The following SMARCA2 variants were observed in gnomAD, a reference collection of about 807,000 sequenced individuals.
The protein encoded by SMARCA2 is SWI/SNF-related matrix-associated actin-dependent regulator of chromatin subfamily A member 2.
In SMARCA2, 61 loss-of-function variants were observed where a neutral mutation model predicts 199.8. That is an observed-to-expected ratio of 0.31 (90% CI 0.25 to 0.38). The LOEUF (loss-of-function observed/expected upper bound fraction) is 0.38. Among genes scored for constraint, SMARCA2 ranks in the 10% least tolerant of loss-of-function variants. The probability of loss-of-function intolerance (pLI) is 1.00; values close to 1 mark genes in which losing one functional copy is unlikely to be tolerated. For missense variants in SMARCA2, 1,344 were observed against 2,012.2 expected (o/e 0.67, Z 6.35); for synonymous variants, 935 against 732.0 (o/e 1.28, Z -4.48).
At chr9:2,127,662 C>T (rs1375952598) in intron 27 of SMARCA2, among the ~76,000 whole-genome samples, 1 of 152,160 alleles carries the variant, frequency 6.6e-6, no homozygotes, top group Non-Finnish European at 1.5e-5. Flanking sequence ...GTTATGTGGC[C>T]ACTCCAGCTG....
chr9:2,137,971 G>C (rs1433704990), intron 27 of SMARCA2, among the ~76,000 whole-genome samples: 6 of 152,074 alleles, frequency 3.9e-5, no homozygotes, highest in African/African-American at 1.2e-4. Flanking sequence ...TAATTCTAAA[G>C]GCACACATTT....
chr9:2,163,077 A>C (rs978713564), intron 28 of SMARCA2: 2 of 152,222 alleles, frequency 1.3e-5, no homozygotes, highest in African/African-American at 4.8e-5. Flanking sequence ...CATAGCAGGA[A>C]GGAAAAATTA....
At chr9:2,026,043 C>G (rs557176214) in intron 1 of SMARCA2, among the ~76,000 whole-genome samples, 5 of 152,176 alleles carry the variant, frequency 3.3e-5, no homozygotes, top group African/African-American at 7.2e-5. Context: ...TTGAGATACT[C>G]CTATCCTGAG....
intron 12 of SMARCA2, among the ~76,000 whole-genome samples, chr9:2,074,425 C>T (rs902601426): frequency 2.6e-5 from 4 of 152,148 alleles, no homozygotes; most frequent in African/African-American, 9.7e-5. Context: ...CATCCTTACC[C>T]ATAATAGCTT....
rs775152809 is a variant in SMARCA2, at chr9:2,119,322, C to G, written c.3685-136C>G. ...GCTTGTAAAATAGTAACGTCAAGGA[C>G]TAAATCCAGCAACCCCTTCCCTTTT... On this transcript the variant is annotated intron_variant, in intron 25 of 33. Coordinates refer to ENST00000349721, the MANE Select transcript of SMARCA2 (RefSeq NM_003070.5). This position sits in a 1 kb window ranked among gnomAD's most constrained non-coding sequence, Gnocchi z 4.6. 6.4e-6 allele frequency: 4 copies of G among 620,892 alleles called. No individual in the cohort carries two copies. Among genetic ancestry groups the G allele is most frequent in the Admixed American group, 5.8e-5 (2 of 34,734 alleles). The allele number at this position is 620,892 out of a possible 1,614,324, so 38.5% of individuals were successfully genotyped here.
chr9:2,068,120 G>C (rs771669503), intron 9 of SMARCA2, among the ~76,000 whole-genome samples: 1 of 152,216 alleles, frequency 6.6e-6, no homozygotes, highest in Non-Finnish European at 1.5e-5. Flanking sequence ...AGTCCCCTGA[G>C]TATAGATTCT....
chr9:2,047,561 T>C, intron 5 of SMARCA2, 77 bp downstream of exon 5: 1 of 1,209,528 alleles, frequency 8.3e-7, no homozygotes, highest in East Asian at 3.5e-5. Context: ...GTGAGGCGCC[T>C]GCCTCCTTGG....
rs1013449911 is a variant in SMARCA2 at position 2,146,222 on chromosome 9, C to A, written c.3982-15464C>A. On this transcript the variant is annotated intron_variant, in intron 27 of 33. Coordinates refer to ENST00000349721, the MANE Select transcript of SMARCA2 (RefSeq NM_003070.5). ...ACATGGTAGAAGGGACATGGGAGCT[C>A]TTTGGGGTCTTTTTTAATAAGGGCA... Among the ~76,000 whole-genome samples, 4 of 152,214 alleles carry A rather than the reference C, an allele frequency of 2.6e-5. No homozygotes were observed. In the East Asian group the frequency reaches 7.7e-4, roughly 29 times the overall value.
chr9:2,144,363 C>T (rs1001809136), intron 27 of SMARCA2, among the ~76,000 whole-genome samples: 2 of 152,122 alleles, frequency 1.3e-5, no homozygotes, highest in African/African-American at 4.8e-5. Context: ...CAAGTCCGTT[C>T]TTGTGTCCTT....
In SMARCA2 at chr9:2,033,270, T is replaced by C. The variant is rs1055042981; in HGVS notation, c.355+189T>C. Reference sequence around the variant, plus strand: ...CTGATGATTTATATGGGAAATTTTATTTCCGAAGTCCTAGTAATTTTACTA... The same window carrying C: ...CTGATGATTTATATGGGAAATTTTACTTCCGAAGTCCTAGTAATTTTACTA... On this transcript the variant is annotated intron_variant, in intron 3 of 33. Coordinates refer to ENST00000349721, the MANE Select transcript of SMARCA2 (RefSeq NM_003070.5). 8.8e-6 allele frequency: 5 copies of C among 567,142 alleles called. No individual in the cohort carries two copies. The African/African-American group carries it at 9.5e-5, about 11-fold the overall frequency. The allele number at this position is 567,142 out of a possible 1,614,324, so 35.1% of individuals were successfully genotyped here. A position where few individuals can be genotyped will look rare whatever the true frequency, so the allele number is the denominator to read the frequency against.
intron 19 of SMARCA2, among the ~76,000 whole-genome samples, chr9:2,095,335 C>A (rs7039469): frequency 2.0e-5 from 3 of 151,910 alleles, no homozygotes; most frequent in African/African-American, 4.8e-5. Context: ...TCGCCCGCCT[C>A]GGCCTCCCAA....
chr9:2,100,729 C>A (rs947897533), intron 21 of SMARCA2, among the ~76,000 whole-genome samples: 1 of 151,614 alleles, frequency 6.6e-6, no homozygotes, highest in African/African-American at 2.4e-5. Flanking sequence ...AAGATTTCAC[C>A]GAACTAAGAA....
intron 5 of SMARCA2, among the ~76,000 whole-genome samples, chr9:2,051,348 T>G (rs796813926): frequency 3.3e-5 from 5 of 152,286 alleles, no homozygotes; most frequent in African/African-American, 9.6e-5. Flanking sequence ...GACAAATAAC[T>G]GGGCTCCTTG....
rs1821823644 is a variant in SMARCA2 at position 2,086,861 on chromosome 9, C to T, written c.2559C>T (p.Gly853=). 2.5e-6 allele frequency: 4 copies of T among 1,614,042 alleles called. No individual in the cohort carries two copies. The East Asian group carries it at 8.9e-5, about 36-fold the overall frequency. Residue 853 remains glycine, a synonymous_variant, in exon 18 of 34, where the codon GGC becomes GGT. Coordinates refer to ENST00000349721, the MANE Select transcript of SMARCA2 (RefSeq NM_003070.5). This position sits in a 1 kb window ranked among gnomAD's most constrained non-coding sequence, Gnocchi z 4.3. ...GGAAATACATGATAGTGGACGAAGGCCACCGAATGAAGAATCACCACTGCA... is the reference window on the plus strand; with the variant it reads ...GGAAATACATGATAGTGGACGAAGGTCACCGAATGAAGAATCACCACTGCA... ...IRWKYMIVDE[G]HRMKNHHCKL...
intron 2 of SMARCA2, chr9:2,032,741 C>A (rs1374874059): frequency 9.9e-6 from 4 of 405,548 alleles, no homozygotes; most frequent in Admixed American, 4.4e-5. Flanking sequence ...AACAAACAAA[C>A]AAAAAAACAA....
At position 2,169,370 on chromosome 9, in the gene SMARCA2, G is replaced by T. The variant is rs528820634; in HGVS notation, c.4200-1049G>T. Among the ~76,000 whole-genome samples, 2 of 152,170 alleles carry T rather than the reference G, an allele frequency of 1.3e-5. No individual in the cohort carries two copies. Among genetic ancestry groups the T allele is most frequent in the Non-Finnish European group, 2.9e-5 (2 of 68,036 alleles). The stretch of plus-strand genomic sequence containing the variant: ...CCCGATGATGACCAGACTTCTTAGC[G>T]TAGGAGAATTGTTATCTTCCACAGT... On this transcript the variant is annotated intron_variant, in intron 28 of 33. Transcript: ENST00000349721. This position sits in a 1 kb window ranked among gnomAD's most constrained non-coding sequence, Gnocchi z 6.5.
intron 27 of SMARCA2, among the ~76,000 whole-genome samples, chr9:2,138,866 C>G (rs112578923): frequency 9.2e-5 from 14 of 152,322 alleles, no homozygotes; most frequent in African/African-American, 3.4e-4. Flanking sequence ...TCTCCGAGAA[C>G]TCAGCTCTTA....
chr9:2,185,184 C>A (rs1827349801), intron 31 of SMARCA2, among the ~76,000 whole-genome samples: 1 of 152,170 alleles, frequency 6.6e-6, no homozygotes, highest in Non-Finnish European at 1.5e-5. Flanking sequence ...TAACTCTCAT[C>A]TCCTTCCCCC....
intron 27 of SMARCA2, among the ~76,000 whole-genome samples, chr9:2,149,118 A>G (rs1454349830): frequency 6.6e-6 from 1 of 151,576 alleles, no homozygotes; most frequent in East Asian, 1.9e-4. Flanking sequence ...AGGAGGTTTA[A>G]TTGGACTTAC....
Sources: allele counts gnomAD v4.1 joint callset (sites outside exome capture counted in the v4.1 genomes callset), GRCh38; gene constraint gnomAD v4.1.1; non-coding constraint Gnocchi (gnomAD v3.1); transcripts MANE v1.5; gene names NCBI Gene and HGNC (gene_info 2026-07-23, HGNC 2026-07-21).